TAFA3: variants seen among roughly 807,000 people sequenced by gnomAD.
TAFA3 encodes chemokine-like protein TAFA-3.
A neutral mutation model predicts 20.7 loss-of-function variants in TAFA3; 17 were observed. That is an observed-to-expected ratio of 0.82 (90% CI 0.56 to 1.23). The LOEUF (loss-of-function observed/expected upper bound fraction) is 1.23, where lower values mean the gene tolerates loss of function less well. Ranked by LOEUF, TAFA3 falls within the 50% of genes most tolerant of loss-of-function variation. The pLI is 0.00. For synonymous variants in TAFA3, 74 were observed against 71.8 expected, an observed-to-expected ratio of 1.03 and a Z score of -0.16; for missense variants, 174 against 172.8, an observed-to-expected ratio of 1.01 and a Z score of -0.04.
intron 4 of TAFA3, chr1:112,723,803 C>G: frequency 1.2e-6 from 1 of 855,372 alleles, no homozygotes; most frequent in Non-Finnish European, 1.8e-6. Context: ...ATGCAGGGAT[C>G]GGTGGGATTA....
chr1:112,726,715 C>T lies in TAFA3; in HGVS notation c.*75C>T. ...TGAAGAATGGTATCCAGTCATCAGC[C>T]AGGAAAGATGGGGATTCACTTACAT... On this transcript the variant is annotated 3_prime_UTR_variant, in exon 6 of 6. Coordinates refer to ENST00000361886, the MANE Select transcript of TAFA3 (RefSeq NM_182759.3). The T allele has an allele frequency of 6.2e-7, 1 of 1,611,162 alleles. No homozygotes were observed. Among genetic ancestry groups the T allele is most frequent in the South Asian group, 1.1e-5 (1 of 90,908 alleles).
At position 112,726,629 on chromosome 1, in the gene TAFA3, G is replaced by C. The variant is rs1306559153; in HGVS notation, c.391G>C (p.Val131Leu). 6.2e-7 allele frequency: 1 copy of C among 1,613,712 alleles called. No individual in the cohort carries two copies. Among genetic ancestry groups the C allele is most frequent in the African/African-American group, 1.3e-5 (1 of 74,874 alleles). ...CCTTACCCTCTCGCTTCTTCACCAG[G>C]TCACACGATAGCTCTTGGGGGTCAC... The part of the protein sequence containing the change: ...SSGHKVKTTK[V>L]TR Residue 131 changes from valine to leucine, a missense_variant and splice_region_variant, in exon 6 of 6, where the codon GTC (valine) becomes CTC (leucine). By Grantham distance (32) the Val-to-Leu change is conservative. Coordinates refer to ENST00000361886, the MANE Select transcript of TAFA3 (RefSeq NM_182759.3).
Position 112,721,947 on chromosome 1 carries a change from GAGTC to G in TAFA3, c.-1-282_-1-279del, listed in dbSNP as rs143895360. Among the ~76,000 whole-genome samples, 168 of 152,288 alleles carry G rather than the reference GAGTC, an allele frequency of 1.1e-3. 1 individual carries two copies. The highest frequency in any genetic ancestry group is 3.9e-3 in the African/African-American group (161 of 41,544). ...CTGGAACCAAGCACTCAAAGAGTAGGAGTCAGTATTATTGTCCCTCCCATGTCAC... is the reference window on the plus strand; with the variant it reads ...CTGGAACCAAGCACTCAAAGAGTAGGAGTATTATTGTCCCTCCCATGTCAC... On this transcript the variant is annotated intron_variant, in intron 2 of 5. Coordinates refer to ENST00000361886, the MANE Select transcript of TAFA3 (RefSeq NM_182759.3).
At chr1:112,724,798 A>AC (rs1414680148) in intron 5 of TAFA3, among the ~76,000 whole-genome samples, 4 of 147,014 alleles carry the variant, frequency 2.7e-5, no homozygotes, top group African/African-American at 5.0e-5. Context: ...AAAAAAAAAA[A>AC]ACAACATATT....
At chr1:112,726,129 T>C (rs1675465465) in intron 5 of TAFA3, among the ~76,000 whole-genome samples, 1 of 151,164 alleles carries the variant, frequency 6.6e-6, no homozygotes, top group Non-Finnish European at 1.5e-5. Flanking sequence ...AGAGTGAGAC[T>C]CCATCTCAAA....
At chr1:112,724,719 G>T (rs1175079080) in intron 5 of TAFA3, among the ~76,000 whole-genome samples, 1 of 139,876 alleles carries the variant, frequency 7.1e-6, no homozygotes, top group Non-Finnish European at 1.5e-5. Flanking sequence ...CACCAGCATG[G>T]CACATGTATA....
intron 2 of TAFA3, 118 bp from the exon 3 acceptor site, chr1:112,722,115 C>T (rs1675342082): frequency 2.0e-6 from 2 of 994,390 alleles, no homozygotes; most frequent in Non-Finnish European, 3.1e-6. Context: ...TGCCTGGGGA[C>T]AAGGTGTGCC....
intron 2 of TAFA3, among the ~76,000 whole-genome samples, chr1:112,721,711 A>G (rs183618873): frequency 1.0e-3 from 153 of 152,364 alleles, no homozygotes; most frequent in African/African-American, 3.5e-3. Flanking sequence ...GTCAGGACAT[A>G]AAGCAATTCC....
chr1:112,724,745 T>C (rs1028635817), intron 5 of TAFA3, among the ~76,000 whole-genome samples: 1 of 130,450 alleles, frequency 7.7e-6, no homozygotes, highest in African/African-American at 3.0e-5. Context: ...GTAACTAACC[T>C]GCACAATGTG....
At chr1:112,725,254 G>C (rs181029882) in intron 5 of TAFA3, among the ~76,000 whole-genome samples, 41 of 152,160 alleles carry the variant, frequency 2.7e-4, no homozygotes, top group African/African-American at 9.6e-4. Context: ...GGGAGCAAGG[G>C]CTGAAAAACT....
At chr1:112,722,990 G>T (rs554808794) in intron 3 of TAFA3, 26 bp from the exon 4 acceptor site, 2 of 1,591,332 alleles carry the variant, frequency 1.3e-6, no homozygotes, top group Admixed American at 1.7e-5. Context: ...CGTGTTGGGC[G>T]TCTGATCCTG....
At chr1:112,721,977 G>A (rs749353090) in intron 2 of TAFA3, among the ~76,000 whole-genome samples, 8 of 152,120 alleles carry the variant, frequency 5.3e-5, no homozygotes, top group East Asian at 1.9e-4. Flanking sequence ...CCCATGTCAC[G>A]ACCCTCCATG....
Position 112,724,002 on chromosome 1 carries a change from T to A in TAFA3, c.266-11T>A. 1 of 1,613,952 alleles carries A rather than the reference T, an allele frequency of 6.2e-7. No homozygotes were observed. Among genetic ancestry groups the A allele is most frequent in the Non-Finnish European group, 8.5e-7 (1 of 1,179,936 alleles). On this transcript the variant is annotated splice_polypyrimidine_tract_variant and intron_variant, in intron 4 of 5. Transcript: ENST00000361886. ...GACCCTAGAGCTGCACTCCGCCTCC[T>A]GCTCCCACAGCCTCCATCGTCCTGC... is the stretch of plus-strand genomic sequence containing the variant.
intron 5 of TAFA3, among the ~76,000 whole-genome samples, chr1:112,725,233 G>A (rs1179878388): frequency 6.6e-6 from 1 of 152,066 alleles, no homozygotes; most frequent in African/African-American, 2.4e-5. Context: ...CCAGAGCAGT[G>A]AGAGAGGGAG....
chr1:112,723,871 T>C, intron 4 of TAFA3, 142 bp from the exon 5 acceptor site: 1 of 1,559,800 alleles, frequency 6.4e-7, no homozygotes, highest in Non-Finnish European at 8.8e-7. Flanking sequence ...CTGGGCAGCC[T>C]GGAGTAGGGG....
At chr1:112,722,874 C>A (rs2101497940) in intron 3 of TAFA3, 142 bp from the exon 4 acceptor site, 2 of 1,050,128 alleles carry the variant, frequency 1.9e-6, no homozygotes, top group Admixed American at 3.0e-5. Context: ...AAGATTTCAT[C>A]CACTTCCTCC....
In TAFA3 at chr1:112,723,389, G is replaced by GC. The variant is rs1675378821; in HGVS notation, c.265+227dup. Among the ~76,000 whole-genome samples the GC allele has an allele frequency of 2.0e-5, 3 of 152,226 alleles. No individual in the cohort carries two copies. In the South Asian group the frequency reaches 6.2e-4, roughly 32 times the overall value. On this transcript the variant is annotated intron_variant, in intron 4 of 5. Coordinates refer to ENST00000361886, the MANE Select transcript of TAFA3 (RefSeq NM_182759.3). ...TGCGCACAGCCTCCCACACTCACGT[G>GC]CCCTCTGCCTGTTGCACACACAGGA...
At position 112,722,265 on chromosome 1, in the gene TAFA3, C is replaced by A; in HGVS notation, c.32C>A (p.Thr11Lys). The A allele has an allele frequency of 6.2e-7, 1 of 1,614,122 alleles. No homozygotes were observed. Among genetic ancestry groups the A allele is most frequent in the South Asian group, 1.1e-5 (1 of 91,078 alleles). The change falls in exon 3 of 6, where the codon ACG (threonine) becomes AAG (lysine). Residue 11 changes from threonine (T) to lysine (K), a missense_variant. Thr to Lys is a moderately conservative substitution (Grantham distance 78, BLOSUM62 -1). Transcript: ENST00000361886. MSERVERNWS[T>K]GGWLLALCLA... ...GAGAGGGTCGAGCGGAACTGGAGCA[C>A]GGGCGGCTGGCTGCTGGCACTGTGC...
intron 4 of TAFA3, 86 bp from the exon 5 acceptor site, chr1:112,723,927 C>T (rs761678259): frequency 5.8e-5 from 94 of 1,612,324 alleles, no homozygotes; most frequent in Non-Finnish European, 6.9e-5. Context: ...TGTGTGGAAA[C>T]GTGCACCTCA....
Sources: gnomAD v4.1 joint callset for allele counts (sites outside exome capture counted in the v4.1 genomes callset) on GRCh38, gnomAD v4.1.1 for gene constraint, MANE v1.5 for transcripts, NCBI Gene and HGNC (gene_info 2026-07-23, HGNC 2026-07-21) for gene names.